LONP1: variants seen among roughly 807,000 people sequenced by gnomAD.
LONP1 encodes the protein lon protease homolog, mitochondrial.
A neutral mutation model predicts 98.5 loss-of-function variants in LONP1; 31 were observed. That is an observed-to-expected ratio of 0.31 (90% CI 0.24 to 0.42). The LOEUF (loss-of-function observed/expected upper bound fraction) is 0.42. Ranked by LOEUF, LONP1 falls within the 20% of genes least tolerant of loss-of-function variation. LONP1 has a pLI of 1.00. For synonymous variants in LONP1, 781 were observed against 594.7 expected, an observed-to-expected ratio of 1.31 and a Z score of -4.56; for missense variants, 1,336 against 1,350.6, an observed-to-expected ratio of 0.99 and a Z score of 0.17.
At chr19:5,697,295 C>G (rs2054951030) in intron 10 of LONP1, among the ~76,000 whole-genome samples, 1 of 151,822 alleles carries the variant, frequency 6.6e-6, no homozygotes, top group Non-Finnish European at 1.5e-5. Flanking sequence ...TGAGATGCCA[C>G]TGGGATGTGT....
chr19:5,707,840 G>A lies in LONP1; in HGVS notation c.933-14C>T. 6.2e-7 allele frequency: 1 copy of A among 1,612,286 alleles called. No individual in the cohort carries two copies. Among genetic ancestry groups the A allele is most frequent in the East Asian group, 2.2e-5 (1 of 44,864 alleles). On this transcript the variant is annotated splice_polypyrimidine_tract_variant and intron_variant, in intron 5 of 17. Transcript: ENST00000360614. ...AGCACTGACTCCCTGGGGGACAAAG[G>A]GAGCTGCCTCGGTGGCCAGGGCCTC...
intron 8 of LONP1, among the ~76,000 whole-genome samples, chr19:5,701,261 C>T (rs566143846): frequency 3.2e-4 from 49 of 152,284 alleles, no homozygotes; most frequent in African/African-American, 7.5e-4. Flanking sequence ...CTGGCTAGCA[C>T]GGTGAAACCC....
At chr19:5,710,360 A>AT (rs1298294927) in intron 4 of LONP1, among the ~76,000 whole-genome samples, 3 of 151,506 alleles carry the variant, frequency 2.0e-5, no homozygotes, top group Non-Finnish European at 4.4e-5. Flanking sequence ...AAGTGCTGGG[A>AT]TTACAGGCGT....
chr19:5,696,576 A>G, intron 11 of LONP1, 94 bp downstream of exon 11: 1 of 1,376,778 alleles, frequency 7.3e-7, no homozygotes. Flanking sequence ...ATGGCCCCTG[A>G]GTTGGCTCGG....
At chr19:5,705,737 C>T (rs2055134391) in intron 8 of LONP1, 35 bp downstream of exon 8, 1 of 1,600,886 alleles carries the variant, frequency 6.2e-7, no homozygotes, top group African/African-American at 1.3e-5. Flanking sequence ...GGAGGGGTCA[C>T]CTGAGGGCTG....
intron 17 of LONP1, 82 bp from the exon 18 acceptor site, chr19:5,692,290 C>G: frequency 7.2e-7 from 1 of 1,390,152 alleles, no homozygotes; most frequent in Non-Finnish European, 9.9e-7. Flanking sequence ...GAAAGGGCTT[C>G]CTGGGGACCG....
chr19:5,708,462 GGGTGGGA>G, intron 4 of LONP1, 59 bp from the exon 5 acceptor site: 2 of 711,698 alleles, frequency 2.8e-6, no homozygotes, highest in African/African-American at 2.1e-5. Context: ...GGGGTGGGCT[GGGTGGGA>G]GCATGGCCCT....
At chr19:5,699,512 C>G (rs1043816073) in intron 9 of LONP1, among the ~76,000 whole-genome samples, 1 of 151,606 alleles carries the variant, frequency 6.6e-6, no homozygotes, top group African/African-American at 2.4e-5. Flanking sequence ...CCACTCTCTC[C>G]GGTCCAACCC....
intron 4 of LONP1, among the ~76,000 whole-genome samples, chr19:5,709,609 T>C (rs1234728165): frequency 2.0e-5 from 3 of 151,980 alleles, no homozygotes; most frequent in Non-Finnish European, 2.9e-5. Context: ...TCCGGGGCAC[T>C]TGCTTTAAGA....
Position 5,692,196 on chromosome 19 carries a change from C to T in LONP1, c.2716G>A (p.Gly906Arg), listed in dbSNP as rs775882355. The T allele has an allele frequency of 1.9e-6, 3 of 1,612,694 alleles. No homozygotes were observed. Among genetic ancestry groups the T allele is most frequent in the South Asian group, 1.1e-5 (1 of 90,946 alleles). The change falls in exon 18 of 18, where the codon GGG becomes AGG. Residue 906 changes from glycine to arginine, a missense_variant. Gly to Arg is a moderately radical substitution (Grantham distance 125). Transcript: ENST00000360614. ...KEKTIAAKRAGVTCIVLPAEN... is the reference protein window; with the variant it reads ...KEKTIAAKRARVTCIVLPAEN... The stretch of plus-strand genomic sequence containing the variant: ...GCTGGCAGGACGATGCACGTCACCC[C>T]TGCGCGCTTGGCCTGGGGGCAGAGT...
chr19:5,715,140 G>A (rs948454322), intron 1 of LONP1: 7 of 151,550 alleles, frequency 4.6e-5, no homozygotes, highest in Middle Eastern at 3.4e-3. Context: ...TCTTCTTAGC[G>A]GTTTCCCCAC....
At chr19:5,704,020 A>G (rs1375420837) in intron 8 of LONP1, among the ~76,000 whole-genome samples, 2 of 152,134 alleles carry the variant, frequency 1.3e-5, no homozygotes, top group African/African-American at 4.8e-5. Flanking sequence ...GGCCTCTCAC[A>G]TGGCAGCAGG....
chr19:5,695,785 C>T (rs949064890), intron 13 of LONP1, among the ~76,000 whole-genome samples: 1 of 152,232 alleles, frequency 6.6e-6, no homozygotes, highest in Admixed American at 6.5e-5. Flanking sequence ...CATGGGGCAG[C>T]CTGGAGGCCC....
intron 14 of LONP1, 94 bp from the exon 15 acceptor site, chr19:5,694,646 G>A (rs914104424): frequency 2.6e-6 from 4 of 1,563,518 alleles, no homozygotes; most frequent in African/African-American, 1.3e-5. Context: ...GACGGGCGCG[G>A]GGTGGTGGGG....
chr19:5,699,868 G>T (rs990501023), intron 9 of LONP1, among the ~76,000 whole-genome samples: 1 of 151,866 alleles, frequency 6.6e-6, no homozygotes, highest in Non-Finnish European at 1.5e-5. Flanking sequence ...TCTGACTCCT[G>T]TTTTTTAACC....
intron 8 of LONP1, among the ~76,000 whole-genome samples, chr19:5,704,552 G>T (rs186194070): frequency 1.6e-4 from 24 of 152,198 alleles, no homozygotes; most frequent in Non-Finnish European, 1.5e-5. Flanking sequence ...GCCCTGCCCC[G>T]GGGACTTCTG....
intron 10 of LONP1, among the ~76,000 whole-genome samples, chr19:5,697,191 G>A (rs372772785): frequency 3.3e-4 from 51 of 152,240 alleles, no homozygotes; most frequent in African/African-American, 1.0e-3. Flanking sequence ...GGCCCGGCCC[G>A]CGACAGGGAC....
rs936754193 is a variant in LONP1, at chr19:5,705,836, T to C, written c.1303A>G (p.Met435Val). 1.9e-6 allele frequency: 3 copies of C among 1,614,170 alleles called. No homozygotes were observed. Among genetic ancestry groups the C allele is most frequent in the Middle Eastern group, 1.6e-4 (1 of 6,062 alleles). ...CTCAGCTCCTCGTCCACAACATCCA[T>C]GACGTGCTTGGGGACCACGAGCTCC... ...LKELVVPKHV[M>V]DVVDEELSKL... Residue 435 changes from methionine (M) to valine (V), a missense_variant, in exon 8 of 18, where the codon ATG (methionine) becomes GTG (valine). Transcript: ENST00000360614.
intron 8 of LONP1, among the ~76,000 whole-genome samples, chr19:5,701,572 G>T (rs999155233): frequency 6.6e-6 from 1 of 152,206 alleles, no homozygotes; most frequent in African/African-American, 2.4e-5. Flanking sequence ...ACCGCGAGTG[G>T]TCCGCCGGCC....
Sources: allele counts gnomAD v4.1 joint callset (sites outside exome capture counted in the v4.1 genomes callset), GRCh38; gene constraint gnomAD v4.1.1; transcripts MANE v1.5; gene names NCBI Gene and HGNC (gene_info 2026-07-23, HGNC 2026-07-21).